The following RELN variants were observed in gnomAD, a reference collection of about 807,000 sequenced individuals.
The protein encoded by RELN is reelin.
A neutral mutation model predicts 427.6 loss-of-function variants in RELN; 108 were observed. The ratio of observed to expected loss-of-function variants is 0.25; its 90% confidence interval spans 0.22 to 0.30. The LOEUF (loss-of-function observed/expected upper bound fraction) is 0.30, where lower values mean the gene tolerates loss of function less well. RELN is among the 10% of genes least tolerant of loss of function. The probability of loss-of-function intolerance (pLI) is 1.00; values close to 1 mark genes in which losing one functional copy is unlikely to be tolerated. For missense variants in RELN, 3,715 were observed against 4,302.8 expected, an observed-to-expected ratio of 0.86 and a Z score of 3.82; for synonymous variants, 1,524 against 1,513.4, an observed-to-expected ratio of 1.01 and a Z score of -0.16.
At chr7:103,547,971 T>A (rs1830336828) in intron 41 of RELN, among the ~76,000 whole-genome samples, 2 of 152,220 alleles carry the variant, frequency 1.3e-5, no homozygotes, top group East Asian at 3.9e-4. Context: ...CCTTGGTGAA[T>A]GTCAGCATCT....
At chr7:103,544,828 T>C (rs542421360) in intron 42 of RELN, among the ~76,000 whole-genome samples, 17 of 152,298 alleles carry the variant, frequency 1.1e-4, no homozygotes, top group African/African-American at 3.6e-4. Context: ...TAAGTCTCTA[T>C]AGATATATTC....
At chr7:103,703,030 CA>C (rs1350623246) in intron 8 of RELN, among the ~76,000 whole-genome samples, 2 of 151,998 alleles carry the variant, frequency 1.3e-5, no homozygotes, top group Non-Finnish European at 2.9e-5. Flanking sequence ...AAAAGATGAC[CA>C]AAAAGGCAAG....
At chr7:103,903,607 A>G (rs1423781149) in intron 2 of RELN, among the ~76,000 whole-genome samples, 1 of 152,148 alleles carries the variant, frequency 6.6e-6, no homozygotes, top group Non-Finnish European at 1.5e-5. Flanking sequence ...GCTTAGTGGC[A>G]ACTTCTGTCA....
chr7:103,582,300 T>C (rs981699426), intron 28 of RELN, among the ~76,000 whole-genome samples: 1 of 152,224 alleles, frequency 6.6e-6, no homozygotes, highest in Non-Finnish European at 1.5e-5. Flanking sequence ...GTTTGTGTGT[T>C]TCTCTGTCAT....
At chr7:103,886,677 A>G (rs1202999298) in intron 2 of RELN, among the ~76,000 whole-genome samples, 1 of 152,238 alleles carries the variant, frequency 6.6e-6, no homozygotes, top group Non-Finnish European at 1.5e-5. Context: ...CCTGTTGGTG[A>G]ACTAACAATT....
chr7:103,917,982 G>A (rs1487021721), intron 1 of RELN, among the ~76,000 whole-genome samples: 1 of 152,038 alleles, frequency 6.6e-6, no homozygotes, highest in Non-Finnish European at 1.5e-5. Flanking sequence ...CCATTTGTAG[G>A]AAGCAACCAA....
At chr7:103,895,352 G>A (rs79023441) in intron 2 of RELN, among the ~76,000 whole-genome samples, 14 of 152,054 alleles carry the variant, frequency 9.2e-5, no homozygotes, top group Non-Finnish European at 1.9e-4. Context: ...GCAAATGGGG[G>A]CCCATTAAAA....
chr7:103,650,162 A>G, intron 16 of RELN, 112 bp downstream of exon 16: 1 of 763,774 alleles, frequency 1.3e-6, no homozygotes, highest in Non-Finnish European at 2.4e-6. Flanking sequence ...AAGGGTGTTT[A>G]ATGAATTGCA....
At chr7:103,808,647 T>C (rs1792660482) in intron 3 of RELN, among the ~76,000 whole-genome samples, 1 of 151,780 alleles carries the variant, frequency 6.6e-6, no homozygotes, top group South Asian at 2.1e-4. Context: ...AATAGAAATA[T>C]TCACAAGGAA....
intron 2 of RELN, among the ~76,000 whole-genome samples, chr7:103,872,537 T>C (rs1794372855): frequency 7.5e-6 from 1 of 132,940 alleles, no homozygotes; most frequent in African/African-American, 2.6e-5. Flanking sequence ...TGTGCATGTG[T>C]CTTTATAGCG....
At chr7:103,931,141 C>T (rs1179892735) in intron 1 of RELN, among the ~76,000 whole-genome samples, 1 of 152,012 alleles carries the variant, frequency 6.6e-6, no homozygotes, top group African/African-American at 2.4e-5. Flanking sequence ...CCAAGAATCC[C>T]CCAGAATCCC....
chr7:103,693,051 A>C (rs1833903878), intron 10 of RELN, among the ~76,000 whole-genome samples: 1 of 152,106 alleles, frequency 6.6e-6, no homozygotes, highest in African/African-American at 2.4e-5. Flanking sequence ...GATGAAAATT[A>C]GGCTGGATGA....
At chr7:103,955,891 G>A (rs953545660) in intron 1 of RELN, among the ~76,000 whole-genome samples, 9 of 152,136 alleles carry the variant, frequency 5.9e-5, no homozygotes, top group South Asian at 2.1e-4. Flanking sequence ...CCTTGATTCA[G>A]ACATTAAAAC....
In RELN at chr7:103,556,969, A is replaced by G. The variant is rs1830536678; in HGVS notation, c.5797+8T>C. 1 of 1,605,346 alleles carries G rather than the reference A, an allele frequency of 6.2e-7. No homozygotes were observed. Among genetic ancestry groups the G allele is most frequent in the Non-Finnish European group, 8.5e-7 (1 of 1,171,942 alleles). On this transcript the variant is annotated splice_region_variant and intron_variant, in intron 38 of 64. Transcript: ENST00000428762. ...GTTCTGATCACAGGAGAACACATGC[A>G]TTTTTACCGTTATTATAAGGTTGCC...
chr7:103,878,959 A>C (rs766443978), intron 2 of RELN, among the ~76,000 whole-genome samples: 8 of 152,218 alleles, frequency 5.3e-5, no homozygotes, highest in Admixed American at 1.3e-4. Flanking sequence ...GTCATAACTC[A>C]GGCTTTTACT....
intron 1 of RELN, among the ~76,000 whole-genome samples, chr7:103,985,535 G>A (rs1380879259): frequency 6.6e-6 from 1 of 152,208 alleles, no homozygotes; most frequent in Non-Finnish European, 1.5e-5. Flanking sequence ...GTGAGGGGCA[G>A]TTCCTTACTG....
At chr7:103,796,265 G>A (rs1423161874) in intron 3 of RELN, among the ~76,000 whole-genome samples, 4 of 152,134 alleles carry the variant, frequency 2.6e-5, no homozygotes, top group Non-Finnish European at 5.9e-5. Flanking sequence ...ACGCAAATGA[G>A]TTTGTTATTT....
intron 48 of RELN, among the ~76,000 whole-genome samples, chr7:103,520,962 T>A (rs998201693): frequency 2.0e-5 from 2 of 99,794 alleles, no homozygotes; most frequent in Non-Finnish European, 2.0e-5. Flanking sequence ...TTGTTATTTT[T>A]TTTTTTTTTT....
chr7:103,635,640 G>A (rs1450165075), intron 18 of RELN, 54 bp from the exon 19 acceptor site: 2 of 1,471,072 alleles, frequency 1.4e-6, no homozygotes, highest in Non-Finnish European at 1.9e-6. Context: ...TAATCATAAT[G>A]TTCATTTTGG....
Sources: allele counts gnomAD v4.1 joint callset (sites outside exome capture counted in the v4.1 genomes callset), GRCh38; gene constraint gnomAD v4.1.1; transcripts MANE v1.5; gene names NCBI Gene and HGNC (gene_info 2026-07-23, HGNC 2026-07-21).